The following FSHR variants were observed in gnomAD, a reference collection of about 807,000 sequenced individuals.
FSHR encodes follicle-stimulating hormone receptor.
A neutral mutation model predicts 52.1 loss-of-function variants in FSHR; 46 were observed. That is an observed-to-expected ratio of 0.88 (90% CI 0.70 to 1.13). FSHR has a LOEUF of 1.13. Among genes scored for constraint, FSHR ranks in the 50% most tolerant of loss-of-function variants. The pLI, the probability that FSHR is intolerant of heterozygous loss-of-function variation, is 0.00. For synonymous variants in FSHR, 399 were observed against 309.6 expected (o/e 1.29, Z -3.03); for missense variants, 964 against 834.6 (o/e 1.16, Z -1.91).
At chr2:48,996,779 T>C (rs11125192) in intron 4 of FSHR, among the ~76,000 whole-genome samples, 90,323 of 151,988 alleles carry the variant, frequency 0.59, 27,369 homozygotes, top group Non-Finnish European at 0.67. Context: ...AGCACATGTC[T>C]AGGAATAATG....
At chr2:49,146,053 C>T (rs186005098) in intron 1 of FSHR, among the ~76,000 whole-genome samples, 1 of 152,046 alleles carries the variant, frequency 6.6e-6, no homozygotes, top group African/African-American at 2.4e-5. Context: ...GATCTTAATG[C>T]CAAACTTGTG....
At chr2:49,044,264 A>G (rs1668579446) in intron 2 of FSHR, among the ~76,000 whole-genome samples, 1 of 152,162 alleles carries the variant, frequency 6.6e-6, no homozygotes, top group African/African-American at 2.4e-5. Flanking sequence ...CAGCTGGGGG[A>G]AACTCACATT....
At chr2:49,094,263 G>A (rs1445408864) in intron 1 of FSHR, among the ~76,000 whole-genome samples, 1 of 152,060 alleles carries the variant, frequency 6.6e-6, no homozygotes, top group Non-Finnish European at 1.5e-5. Flanking sequence ...CTCCCTCCAT[G>A]TTGTAATTGT....
intron 9 of FSHR, among the ~76,000 whole-genome samples, chr2:48,965,598 A>G (rs1421834000): frequency 6.6e-6 from 1 of 152,162 alleles, no homozygotes; most frequent in Non-Finnish European, 1.5e-5. Context: ...CAGGAAGAGA[A>G]AGTAAGTAAC....
At chr2:49,004,952 T>C (rs904469325) in intron 4 of FSHR, among the ~76,000 whole-genome samples, 11 of 152,086 alleles carry the variant, frequency 7.2e-5, no homozygotes, top group Non-Finnish European at 1.5e-4. Context: ...GCTATTTGAG[T>C]GGGTCCTGTA....
intron 4 of FSHR, among the ~76,000 whole-genome samples, chr2:48,991,744 T>C (rs145905234): frequency 1.2e-4 from 19 of 152,336 alleles, no homozygotes; most frequent in African/African-American, 4.6e-4. Context: ...GGACGCATTG[T>C]TCTTTGTCAT....
intron 8 of FSHR, 87 bp from the exon 9 acceptor site, chr2:48,968,970 T>A: frequency 1.7e-6 from 2 of 1,166,262 alleles, no homozygotes; most frequent in Non-Finnish European, 2.5e-6. Context: ...GCAGACACAC[T>A]AGTGATATTC....
At chr2:48,965,020 A>C (rs956465108) in intron 9 of FSHR, among the ~76,000 whole-genome samples, 5 of 152,128 alleles carry the variant, frequency 3.3e-5, no homozygotes, top group African/African-American at 1.2e-4. Flanking sequence ...TTGTACATAC[A>C]CATGCATACC....
At chr2:49,063,363 G>A (rs1000133630) in intron 2 of FSHR, among the ~76,000 whole-genome samples, 9 of 151,812 alleles carry the variant, frequency 5.9e-5, no homozygotes, top group African/African-American at 2.2e-4. Context: ...GTTTATTGTA[G>A]CACTATAAAT....
At chr2:49,078,300 G>T (rs533443761) in intron 1 of FSHR, among the ~76,000 whole-genome samples, 1 of 152,090 alleles carries the variant, frequency 6.6e-6, no homozygotes, top group Admixed American at 6.5e-5. Flanking sequence ...ATCCGATCTC[G>T]TGAGACTTAT....
intron 3 of FSHR, among the ~76,000 whole-genome samples, chr2:49,017,901 G>T (rs971110802): frequency 6.6e-6 from 1 of 152,114 alleles, no homozygotes; most frequent in Non-Finnish European, 1.5e-5. Flanking sequence ...GAATCGCCCA[G>T]GGTTGGAGGA....
chr2:48,963,773 G>A lies in FSHR; in HGVS notation c.1048C>T (p.Pro350Ser), dbSNP rs779466348. The A allele has an allele frequency of 6.2e-7, 1 of 1,613,976 alleles. No homozygotes were observed. The highest frequency in any genetic ancestry group is 8.5e-7 in the Non-Finnish European group (1 of 1,180,008). ...TCTTCACATGGGTTGAATGCATCTG[G>A]CTTAGGGGAGCAGGTCACGTCAACC... ...EVVDVTCSPK[P>S]DAFNPCEDIM... Residue 350 changes from proline (P) to serine (S), a missense_variant, in exon 10 of 10, where the codon CCA becomes TCA. Physicochemically the swap from Pro to Ser is moderately conservative, Grantham distance 74. Transcript: ENST00000406846.
intron 1 of FSHR, 108 bp downstream of exon 1, chr2:49,154,158 G>T (rs1306858600): frequency 2.4e-6 from 3 of 1,230,794 alleles, no homozygotes; most frequent in East Asian, 2.5e-5. Context: ...TCGGTCAAGG[G>T]GCAGAAATAT....
chr2:49,127,531 C>T (rs900983900), intron 1 of FSHR, among the ~76,000 whole-genome samples: 53 of 151,716 alleles, frequency 3.5e-4, no homozygotes, highest in Non-Finnish European at 6.0e-4. Flanking sequence ...CACACACACA[C>T]ACACACACAC....
In FSHR at chr2:48,963,811, A is replaced by G. The variant is rs769202588; in HGVS notation, c.1010T>C (p.Leu337Ser). Residue 337 changes from leucine (L) to serine (S), a missense_variant, in exon 10 of 10, where the codon TTA becomes TCA. Physicochemically the swap from Leu to Ser is moderately radical, Grantham distance 145. Coordinates refer to ENST00000406846, the MANE Select transcript of FSHR (RefSeq NM_000145.4). ...DMTYTEFDYD[L>S]CNEVVDVTCS... is the part of the protein sequence containing the mutation. The stretch of plus-strand genomic sequence containing the variant: ...GGTCACGTCAACCACTTCATTGCAT[A>G]AGTCATAGTCAAACTCAGTGTACGT... The G allele has an allele frequency of 1.9e-6, 3 of 1,614,138 alleles. No homozygotes were observed. The highest frequency in any genetic ancestry group is 2.5e-6 in the Non-Finnish European group (3 of 1,180,004).
chr2:49,061,773 ACTC>A (rs1669313701), intron 2 of FSHR, among the ~76,000 whole-genome samples: 1 of 139,278 alleles, frequency 7.2e-6, no homozygotes, highest in South Asian at 2.2e-4. Context: ...ACTATATATA[ACTC>A]TATATATTCA....
In FSHR at chr2:49,017,406, C is replaced by T; in HGVS notation, c.374+83G>A. 4.8e-6 allele frequency: 5 copies of T among 1,035,990 alleles called. No homozygotes were observed. In the South Asian group the frequency reaches 5.3e-5, roughly 11 times the overall value. The allele number at this position is 1,035,990 out of a possible 1,614,324, so 64.2% of individuals were successfully genotyped here. On this transcript the variant is annotated intron_variant, in intron 4 of 9. Coordinates refer to ENST00000406846, the MANE Select transcript of FSHR (RefSeq NM_000145.4). ...ATCCTTGATCAAAAGTAATTGCTCCCCAGAGTATCAAGTAGGCCTTTTAGT... is the reference window on the plus strand; with the variant it reads ...ATCCTTGATCAAAAGTAATTGCTCCTCAGAGTATCAAGTAGGCCTTTTAGT...
intron 9 of FSHR, among the ~76,000 whole-genome samples, chr2:48,967,418 T>A (rs2300440): frequency 0.49 from 75,015 of 151,948 alleles, 19,446 homozygotes; most frequent in Non-Finnish European, 0.57. Flanking sequence ...GTTCTTTATT[T>A]CTCCTTTGGG....
intron 4 of FSHR, among the ~76,000 whole-genome samples, chr2:49,011,503 C>T (rs1204947128): frequency 2.0e-5 from 3 of 152,074 alleles, no homozygotes; most frequent in East Asian, 3.9e-4. Context: ...AATATATATT[C>T]TGTTGATTTG....
Sources: allele counts gnomAD v4.1 joint callset (sites outside exome capture counted in the v4.1 genomes callset), GRCh38; gene constraint gnomAD v4.1.1; transcripts MANE v1.5; gene names NCBI Gene and HGNC (gene_info 2026-07-23, HGNC 2026-07-21).